TMEM178B: variants seen among roughly 807,000 people sequenced by gnomAD.
The protein encoded by TMEM178B is transmembrane protein 178B.
In TMEM178B, 5 loss-of-function variants were observed where a neutral mutation model predicts 31.0. The observed-to-expected ratio is 0.16, with a 90% CI of 0.08 to 0.34. TMEM178B has a LOEUF of 0.34. Ranked by LOEUF, TMEM178B falls within the 10% of genes least tolerant of loss-of-function variation. The pLI, the probability that TMEM178B is intolerant of heterozygous loss-of-function variation, is 1.00. For synonymous variants in TMEM178B, 164 were observed against 164.0 expected (o/e 1.00, Z 0.00); for missense variants, 275 against 400.3 (o/e 0.69, Z 2.67).
At chr7:141,322,630 A>G (rs1799120877) in intron 2 of TMEM178B, among the ~76,000 whole-genome samples, 1 of 152,194 alleles carries the variant, frequency 6.6e-6, no homozygotes, top group Admixed American at 6.5e-5. Context: ...GACTCTAGCA[A>G]GTTCAGATGG....
chr7:141,165,316 A>G (rs1003794252), intron 1 of TMEM178B, among the ~76,000 whole-genome samples: 5 of 152,090 alleles, frequency 3.3e-5, no homozygotes, highest in African/African-American at 7.2e-5. Context: ...ATAGTTTTTA[A>G]GAGTATTGGT....
intron 2 of TMEM178B, among the ~76,000 whole-genome samples, chr7:141,364,241 T>C (rs1799965139): frequency 6.6e-6 from 1 of 152,244 alleles, no homozygotes; most frequent in Non-Finnish European, 1.5e-5. Context: ...CCTAAAATAA[T>C]TTCCCAGTAG....
chr7:141,344,545 C>A lies in TMEM178B; in HGVS notation c.497-93063C>A, dbSNP rs924192727. 7.5e-6 allele frequency among the ~76,000 whole-genome samples: 1 copy of A among 133,572 alleles called. No individual in the cohort carries two copies. The highest frequency in any genetic ancestry group is 1.6e-5 in the Non-Finnish European group (1 of 62,562). 87.6% of individuals were successfully genotyped at this position (133,572 alleles called of 152,430 possible). A position where few individuals can be genotyped will look rare whatever the true frequency, so the allele number is the denominator to read the frequency against. On this transcript the variant is annotated intron_variant, in intron 2 of 3. Coordinates refer to ENST00000565468, the MANE Select transcript of TMEM178B (RefSeq NM_001195278.2). This position sits in a 1 kb window ranked among gnomAD's most constrained non-coding sequence, Gnocchi z 4.1. ...CTTTTTAAAGCTGGGATTTTAGTTTCTCCCTCCCTCCCTCCATTCCTCCCT... is the reference window on the plus strand; with the variant it reads ...CTTTTTAAAGCTGGGATTTTAGTTTATCCCTCCCTCCCTCCATTCCTCCCT...
the TMEM178B span, among the ~76,000 whole-genome samples, chr7:141,508,904 A>C: frequency 2.0e-5 from 3 of 152,224 alleles, no homozygotes; most frequent in Non-Finnish European, 4.4e-5. Context: ...AACTCTAAGC[A>C]TATGGATGAC....
At chr7:141,493,323 C>T in the TMEM178B span, among the ~76,000 whole-genome samples, 2 of 152,328 alleles carry the variant, frequency 1.3e-5, no homozygotes, top group South Asian at 2.1e-4. Context: ...GATGTGTGCG[C>T]ACTTGTGTTC....
Position 141,196,675 on chromosome 7 carries a change from C to T in TMEM178B, c.383-15916C>T, listed in dbSNP as rs2129185622. On this transcript the variant is annotated intron_variant, in intron 1 of 3. Coordinates refer to ENST00000565468, the MANE Select transcript of TMEM178B (RefSeq NM_001195278.2). ...AAAGGTGAGTCCTAAATCGTGACTCCCCTGGGTGCGTCGAATATCAAACTA... is the reference window on the plus strand; with the variant it reads ...AAAGGTGAGTCCTAAATCGTGACTCTCCTGGGTGCGTCGAATATCAAACTA... Among the ~76,000 whole-genome samples the T allele has an allele frequency of 2.0e-5, 3 of 152,262 alleles. No individual in the cohort carries two copies. In the East Asian group the frequency reaches 5.8e-4, roughly 29 times the overall value.
At chr7:141,159,023 A>G (rs1490916269) in intron 1 of TMEM178B, among the ~76,000 whole-genome samples, 1 of 152,048 alleles carries the variant, frequency 6.6e-6, no homozygotes, top group Non-Finnish European at 1.5e-5. Flanking sequence ...AGATATTTAT[A>G]TCCCTTGCTT....
chr7:141,506,433 C>G, the TMEM178B span, among the ~76,000 whole-genome samples: 1 of 152,190 alleles, frequency 6.6e-6, no homozygotes, highest in Non-Finnish European at 1.5e-5. Flanking sequence ...GCACTTCTTA[C>G]ATGGTGACGG....
intron 1 of TMEM178B, among the ~76,000 whole-genome samples, chr7:141,192,653 A>G (rs752958837): frequency 2.8e-4 from 42 of 152,252 alleles, no homozygotes; most frequent in Admixed American, 1.3e-3. Flanking sequence ...TGTAGTAGAG[A>G]TGGGGTTTCA....
At chr7:141,177,401 G>A (rs543228486) in intron 1 of TMEM178B, among the ~76,000 whole-genome samples, 7 of 151,992 alleles carry the variant, frequency 4.6e-5, no homozygotes, top group Admixed American at 1.3e-4. Context: ...GATGTGGAGC[G>A]GAGAAGAATG....
intron 2 of TMEM178B, among the ~76,000 whole-genome samples, chr7:141,234,790 A>C (rs1335523231): frequency 1.3e-5 from 2 of 152,240 alleles, no homozygotes; most frequent in African/African-American, 4.8e-5. Flanking sequence ...AGGACAGGCC[A>C]AGAAGAGAAA....
chr7:141,214,194 A>G (rs1022773619), intron 2 of TMEM178B, among the ~76,000 whole-genome samples: 4 of 152,246 alleles, frequency 2.6e-5, no homozygotes, highest in Non-Finnish European at 4.4e-5. Context: ...CCTAAAAGGG[A>G]TGTTCAAGAT....
chr7:141,074,464 G>C lies in TMEM178B; in HGVS notation c.154G>C (p.Asp52His). ...CAAGGCCTTCAACACCCGCCGGGTC[G>C]ACCCCGGCTTCATTTACAACAATAA... is the stretch of plus-strand genomic sequence containing the variant. Reference protein sequence around the residue: ...RCKAFNTRRVDPGFIYNNNNN... With the variant: ...RCKAFNTRRVHPGFIYNNNNN... The change falls in exon 1 of 4, where the codon GAC becomes CAC. Residue 52 changes from aspartate (D) to histidine (H), a missense_variant. By Grantham distance (81) the Asp-to-His change is moderately conservative. Transcript: ENST00000565468. The surrounding 1 kb of genome is among the most constrained non-coding windows in gnomAD (Gnocchi z 5.1). 6.5e-7 allele frequency: 1 copy of C among 1,536,110 alleles called. No homozygotes were observed. Among genetic ancestry groups the C allele is most frequent in the Non-Finnish European group, 8.7e-7 (1 of 1,146,868 alleles).
At chr7:141,346,831 G>GATATAATTT (rs1264069674) in intron 2 of TMEM178B, among the ~76,000 whole-genome samples, 2 of 152,170 alleles carry the variant, frequency 1.3e-5, no homozygotes, top group Non-Finnish European at 2.9e-5. Flanking sequence ...ATTACTCATT[G>GATATAATTT]ATATAATTTA....
chr7:141,442,658 A>G (rs1801682195), intron 3 of TMEM178B, among the ~76,000 whole-genome samples: 1 of 152,092 alleles, frequency 6.6e-6, no homozygotes, highest in Non-Finnish European at 1.5e-5. Flanking sequence ...TTTCCTTGTA[A>G]TCCCTTGTGG....
chr7:141,370,160 G>T lies in TMEM178B; in HGVS notation c.497-67448G>T, dbSNP rs141832667. Among the ~76,000 whole-genome samples, 951 of 152,252 alleles carry T rather than the reference G, an allele frequency of 6.2e-3. 8 individuals are homozygous for T. The highest frequency in any genetic ancestry group is 0.022 in the African/African-American group (901 of 41,546). On this transcript the variant is annotated intron_variant, in intron 2 of 3. Coordinates refer to ENST00000565468, the MANE Select transcript of TMEM178B (RefSeq NM_001195278.2). ...CAGAGAGGGAGAAGTCATAGCAGGG[G>T]TGGCAGCAGAGAGAAAAGGAATGGA...
intron 1 of TMEM178B, among the ~76,000 whole-genome samples, chr7:141,158,498 A>G (rs1159992120): frequency 6.6e-6 from 1 of 152,222 alleles, no homozygotes; most frequent in Non-Finnish European, 1.5e-5. Context: ...CTAAGAACAC[A>G]ATAGGTGCTT....
intron 1 of TMEM178B, among the ~76,000 whole-genome samples, chr7:141,128,165 G>A (rs2129177307): frequency 6.6e-6 from 1 of 152,290 alleles, no homozygotes; most frequent in Admixed American, 6.5e-5. Context: ...TTTATAACAG[G>A]TGTAAACTGG....
rs1000116102 is a variant in TMEM178B at position 141,476,661 on chromosome 7, T to G, written c.*5875T>G. 10 of 152,168 alleles carry G rather than the reference T, an allele frequency of 6.6e-5. No individual in the cohort carries two copies. Among genetic ancestry groups the G allele is most frequent in the Non-Finnish European group, 1.2e-4 (8 of 68,040 alleles). The allele number at this position is 152,168 out of a possible 1,614,324, so 9.4% of individuals were successfully genotyped here. A position where few individuals can be genotyped will look rare whatever the true frequency, so the allele number is the denominator to read the frequency against. Reference sequence around the variant, plus strand: ...TAAGGAAGCCCTTTAGATGGTACATTCACTAAGACGTGTCTGGGTGTGATC... The same window carrying G: ...TAAGGAAGCCCTTTAGATGGTACATGCACTAAGACGTGTCTGGGTGTGATC... On this transcript the variant is annotated 3_prime_UTR_variant, in exon 4 of 4. Transcript: ENST00000565468.
Sources: gnomAD v4.1 joint callset for allele counts (sites outside exome capture counted in the v4.1 genomes callset) on GRCh38, gnomAD v4.1.1 for gene constraint, Gnocchi (gnomAD v3.1) non-coding constraint, MANE v1.5 for transcripts, NCBI Gene and HGNC (gene_info 2026-07-23, HGNC 2026-07-21) for gene names.